WNT9A: variants seen among roughly 807,000 people sequenced by gnomAD.
WNT9A encodes the protein protein Wnt-9a.
Under a neutral mutation model 31.4 loss-of-function variants are expected in WNT9A, and 8 were observed. The ratio of observed to expected loss-of-function variants is 0.26; its 90% CI spans 0.15 to 0.46. The LOEUF is 0.46. WNT9A is among the 20% of genes least tolerant of loss of function. The pLI is 0.99. For missense variants in WNT9A, 457 were observed against 522.9 expected (o/e 0.87, Z 1.23); for synonymous variants, 236 against 220.1 (o/e 1.07, Z -0.64).
chr1:227,946,475 G>A (rs1402630956), intron 1 of WNT9A, among the ~76,000 whole-genome samples: 1 of 152,236 alleles, frequency 6.6e-6, no homozygotes, highest in African/African-American at 2.4e-5. Flanking sequence ...TCCCGGGTGA[G>A]GCTACGGGTT....
At chr1:227,933,940 GC>G (rs781166378) in intron 1 of WNT9A, among the ~76,000 whole-genome samples, 7 of 152,216 alleles carry the variant, frequency 4.6e-5, no homozygotes, top group Non-Finnish European at 8.8e-5. Flanking sequence ...GTGGAATCAC[GC>G]AGCATTGACC....
intron 1 of WNT9A, among the ~76,000 whole-genome samples, chr1:227,937,265 C>T (rs1263710676): frequency 6.6e-6 from 1 of 152,238 alleles, no homozygotes; most frequent in Non-Finnish European, 1.5e-5. Context: ...ACCGCTGCTC[C>T]GCTTCCTGGG....
chr1:227,933,408 AC>A (rs1327460220), intron 1 of WNT9A, among the ~76,000 whole-genome samples: 1 of 152,162 alleles, frequency 6.6e-6, no homozygotes, highest in Non-Finnish European at 1.5e-5. Flanking sequence ...TATCCAGACC[AC>A]TCACACTTTC....
chr1:227,940,984 C>A (rs1407208072), intron 1 of WNT9A, among the ~76,000 whole-genome samples: 2 of 152,254 alleles, frequency 1.3e-5, no homozygotes, highest in Non-Finnish European at 2.9e-5. Flanking sequence ...AATATGACCC[C>A]TGAAGGAAAA....
intron 1 of WNT9A, among the ~76,000 whole-genome samples, chr1:227,929,543 C>A (rs908460988): frequency 6.6e-6 from 1 of 152,206 alleles, no homozygotes; most frequent in Non-Finnish European, 1.5e-5. Flanking sequence ...AGTGTCCTTA[C>A]GGACCCCAGG....
intron 1 of WNT9A, among the ~76,000 whole-genome samples, chr1:227,946,705 A>G (rs2102733900): frequency 6.6e-6 from 1 of 152,366 alleles, no homozygotes; most frequent in East Asian, 1.9e-4. Flanking sequence ...AGAACAGGAT[A>G]CACCTGCAGG....
chr1:227,930,719 C>A (rs866375657), intron 1 of WNT9A, among the ~76,000 whole-genome samples: 16 of 152,208 alleles, frequency 1.1e-4, no homozygotes, highest in African/African-American at 3.4e-4. Flanking sequence ...TTGCTAAGAA[C>A]CTTTAAAAAT....
rs183709009 is a variant in WNT9A, at chr1:227,923,831, C to T, written c.615+307G>A. Among the ~76,000 whole-genome samples the T allele has an allele frequency of 3.9e-3, 591 of 152,260 alleles. 5 individuals are homozygous for T. The highest frequency in any genetic ancestry group is 0.013 in the African/African-American group (543 of 41,548). ...GGTTAGACTGCCTAACCAAGGACAC[C>T]CTCCTGGTGGCCCCACAGGGACCGT... On this transcript the variant is annotated intron_variant, in intron 3 of 3. Transcript: ENST00000272164.
chr1:227,922,057 G>C, intron 3 of WNT9A, 57 bp from the exon 4 acceptor site: 1 of 1,544,498 alleles, frequency 6.5e-7, no homozygotes, highest in South Asian at 1.3e-5. Context: ...TGGGCCCAGT[G>C]AGCAGACCCT....
chr1:227,929,429 ATGTT>A (rs1343840234), intron 1 of WNT9A, among the ~76,000 whole-genome samples: 2 of 152,214 alleles, frequency 1.3e-5, no homozygotes, highest in African/African-American at 4.8e-5. Context: ...AGTGGTCTGA[ATGTT>A]TGTGTCTTCC....
At position 227,928,071 on chromosome 1, in the gene WNT9A, CCT is replaced by C. The variant is rs1666449593; in HGVS notation, c.96-2554_96-2553del. On this transcript the variant is annotated intron_variant, in intron 1 of 3. Transcript: ENST00000272164. This position sits in a 1 kb window ranked among gnomAD's most constrained non-coding sequence, Gnocchi z 4.5. ...GGATATCAGCCTGCCCTGCCCTCTC[CCT>C]GTGACCCACCGCCTTGCCCACACTG... is the stretch of plus-strand genomic sequence containing the variant. Among the ~76,000 whole-genome samples the C allele has an allele frequency of 6.6e-6, 1 of 152,054 alleles. No homozygotes were observed. The highest frequency in any genetic ancestry group is 6.6e-5 in the Admixed American group (1 of 15,262).
At chr1:227,943,463 C>T (rs1452118071) in intron 1 of WNT9A, among the ~76,000 whole-genome samples, 1 of 152,200 alleles carries the variant, frequency 6.6e-6, no homozygotes, top group African/African-American at 2.4e-5. Flanking sequence ...CAAAGAAGAC[C>T]CATGGCCCAT....
intron 1 of WNT9A, among the ~76,000 whole-genome samples, chr1:227,930,889 C>T (rs990062042): frequency 2.6e-5 from 4 of 151,860 alleles, no homozygotes; most frequent in African/African-American, 9.7e-5. Context: ...GGCATGGAGG[C>T]ATACGCCTGT....
At position 227,925,203 on chromosome 1, in the gene WNT9A, A is replaced by G; in HGVS notation, c.352+60T>C. 1 of 1,457,828 alleles carries G rather than the reference A, an allele frequency of 6.9e-7. No individual in the cohort carries two copies. The allele number at this position is 1,457,828 out of a possible 1,614,324, so 90.3% of individuals were successfully genotyped here. A position where few individuals can be genotyped will look rare whatever the true frequency, so the allele number is the denominator to read the frequency against. On this transcript the variant is annotated intron_variant, in intron 2 of 3. Coordinates refer to ENST00000272164, the MANE Select transcript of WNT9A (RefSeq NM_003395.4). This position sits in a 1 kb window ranked among gnomAD's most constrained non-coding sequence, Gnocchi z 6.0. ...CTAAGAGGGGCCTCTTGGGATATGG[A>G]CAAGGCCTGGGCTGCCACCTGTCTG...
chr1:227,922,063 A>G (rs1263423211), intron 3 of WNT9A, 63 bp from the exon 4 acceptor site: 1 of 1,535,494 alleles, frequency 6.5e-7, no homozygotes, highest in Non-Finnish European at 8.8e-7. Context: ...CAGTGAGCAG[A>G]CCCTGCCCTG....
intron 1 of WNT9A, among the ~76,000 whole-genome samples, chr1:227,931,004 A>G (rs2102722903): frequency 6.6e-6 from 1 of 151,960 alleles, no homozygotes; most frequent in East Asian, 1.9e-4. Flanking sequence ...CGTCTCAAAA[A>G]AAAAAAAAAT....
rs1022302118 is a variant in WNT9A at position 227,947,848 on chromosome 1, C to T, written c.40G>A (p.Ala14Thr). ...GCGAGCAGCAGCGTCAGCCCGAAGGCCGCGGCCAGCCAGCGCGCCAGCGGG... is the reference window on the plus strand; with the variant it reads ...GCGAGCAGCAGCGTCAGCCCGAAGGTCGCGGCCAGCCAGCGCGCCAGCGGG... Reference protein sequence around the residue: ...GSPLARWLAAAFGLTLLLAAL... With the variant: ...GSPLARWLAATFGLTLLLAAL... The change falls in exon 1 of 4, where the codon GCC (alanine) becomes ACC (threonine). Residue 14 changes from alanine to threonine, a missense_variant. Transcript: ENST00000272164. 9.2e-6 allele frequency: 10 copies of T among 1,088,950 alleles called. No homozygotes were observed. The African/African-American group carries it at 1.2e-4, about 13-fold the overall frequency. 67.5% of individuals were successfully genotyped at this position (1,088,950 alleles called of 1,614,324 possible).
rs577337935 is a variant in WNT9A, at chr1:227,926,301, C to T, written c.96-782G>A. On this transcript the variant is annotated intron_variant, in intron 1 of 3. Coordinates refer to ENST00000272164, the MANE Select transcript of WNT9A (RefSeq NM_003395.4). This position sits in a 1 kb window ranked among gnomAD's most constrained non-coding sequence, Gnocchi z 5.0. ...TTGCACCAGTACCCAGCACTGAGGA[C>T]GCATCCCCAACCTCAACTGCTCCAG... Among the ~76,000 whole-genome samples the T allele has an allele frequency of 6.6e-6, 1 of 152,202 alleles. No homozygotes were observed. The highest frequency in any genetic ancestry group is 1.5e-5 in the Non-Finnish European group (1 of 68,002).
chr1:227,939,554 C>A (rs1317548620), intron 1 of WNT9A, among the ~76,000 whole-genome samples: 1 of 152,200 alleles, frequency 6.6e-6, no homozygotes, highest in Non-Finnish European at 1.5e-5. Context: ...CCACCCCACA[C>A]TGCCAGGTCC....
Sources: gnomAD v4.1 joint callset for allele counts (sites outside exome capture counted in the v4.1 genomes callset) on GRCh38, gnomAD v4.1.1 for gene constraint, Gnocchi (gnomAD v3.1) non-coding constraint, MANE v1.5 for transcripts, NCBI Gene and HGNC (gene_info 2026-07-23, HGNC 2026-07-21) for gene names.